Variants in SKA2 observed in about 807,000 individuals in gnomAD.
SKA2 encodes the protein spindle and kinetochore associated complex subunit 2, also known as spindle and kinetochore-associated protein 2.
Under a neutral mutation model 16.9 loss-of-function variants are expected in SKA2, and 13 were observed. That is an observed-to-expected ratio of 0.77 (90% CI 0.50 to 1.22). The LOEUF is 1.22. Among genes scored for constraint, SKA2 ranks in the 50% most tolerant of loss-of-function variants. The pLI, the probability that SKA2 is intolerant of heterozygous loss-of-function variation, is 0.00. For missense variants in SKA2, 107 were observed against 139.7 expected (o/e 0.77, Z 1.18); for synonymous variants, 47 against 48.5 (o/e 0.97, Z 0.13).
In SKA2 at chr17:59,110,331, T is replaced by A. The variant is rs1468708610; in HGVS notation, c.*1946A>T. 1 of 152,198 alleles carries A rather than the reference T, an allele frequency of 6.6e-6. No individual in the cohort carries two copies. The highest frequency in any genetic ancestry group is 1.5e-5 in the Non-Finnish European group (1 of 68,044). The allele number at this position is 152,198 out of a possible 1,614,324, so 9.4% of individuals were successfully genotyped here. ...TAACTGAAAGCAAAACCACTTTTAA[T>A]ACTAAGAATTTATTATGATCTCTCC... On this transcript the variant is annotated 3_prime_UTR_variant, in exon 4 of 4. Coordinates refer to ENST00000330137, the MANE Select transcript of SKA2 (RefSeq NM_182620.4).
chr17:59,154,685 T>G (rs888926604), intron 1 of SKA2, among the ~76,000 whole-genome samples: 3 of 152,160 alleles, frequency 2.0e-5, no homozygotes, highest in Non-Finnish European at 2.9e-5. Flanking sequence ...GGGTTGGCCC[T>G]ACAGGGATTT....
At chr17:59,114,492 CATG>C (rs1245567565) in intron 3 of SKA2, among the ~76,000 whole-genome samples, 1 of 152,150 alleles carries the variant, frequency 6.6e-6, no homozygotes, top group East Asian at 1.9e-4. Flanking sequence ...AGTGGTAACA[CATG>C]GTATTTTTAT....
At chr17:59,131,240 T>A in intron 2 of SKA2, 41 bp downstream of exon 2, 1 of 1,436,802 alleles carries the variant, frequency 7.0e-7, no homozygotes, top group Non-Finnish European at 9.6e-7. Context: ...AGTATTCAGT[T>A]AAGGCTGATT....
At chr17:59,142,618 T>A (rs1191122240) in intron 1 of SKA2, among the ~76,000 whole-genome samples, 1 of 150,216 alleles carries the variant, frequency 6.7e-6, no homozygotes, top group Non-Finnish European at 1.5e-5. Context: ...ATTTTTATAT[T>A]TTAATATTAA....
chr17:59,138,043 T>G (rs1339593415), intron 1 of SKA2, among the ~76,000 whole-genome samples: 4 of 152,150 alleles, frequency 2.6e-5, no homozygotes, highest in African/African-American at 9.7e-5. Context: ...TTGTTTAACT[T>G]TTTAGGGGCA....
intron 2 of SKA2, among the ~76,000 whole-genome samples, chr17:59,128,915 A>G (rs1477572914): frequency 6.6e-6 from 1 of 152,212 alleles, no homozygotes; most frequent in African/African-American, 2.4e-5. Flanking sequence ...TTAATGGTAT[A>G]TGAATTATAG....
At chr17:59,123,035 AAAAAG>A (rs1555711124) in intron 2 of SKA2, among the ~76,000 whole-genome samples, 43 of 150,170 alleles carry the variant, frequency 2.9e-4, no homozygotes, top group South Asian at 1.5e-3. Flanking sequence ...AAAAAAAAAA[AAAAAG>A]AAAAGAAAAG....
At chr17:59,135,156 A>G (rs936249277) in intron 1 of SKA2, among the ~76,000 whole-genome samples, 1 of 151,888 alleles carries the variant, frequency 6.6e-6, no homozygotes, top group Non-Finnish European at 1.5e-5. Flanking sequence ...AGAGGTTTCC[A>G]CTATGGTTTC....
At chr17:59,126,515 T>C (rs926125765) in intron 2 of SKA2, among the ~76,000 whole-genome samples, 1 of 152,114 alleles carries the variant, frequency 6.6e-6, no homozygotes, top group Non-Finnish European at 1.5e-5. Flanking sequence ...CAGACAGAGG[T>C]ATTAGAGGCT....
intron 2 of SKA2, among the ~76,000 whole-genome samples, chr17:59,127,191 T>G (rs2046377817): frequency 6.6e-6 from 1 of 152,126 alleles, no homozygotes; most frequent in Non-Finnish European, 1.5e-5. Flanking sequence ...ATGGTGATAT[T>G]GTACAATAAT....
chr17:59,150,732 ACT>A (rs1234886673), intron 1 of SKA2, among the ~76,000 whole-genome samples: 6 of 151,904 alleles, frequency 3.9e-5, no homozygotes, highest in African/African-American at 1.2e-4. Context: ...ACAGAGAAAG[ACT>A]CTGTCTCTGG....
At chr17:59,145,576 G>A (rs909787463) in intron 1 of SKA2, among the ~76,000 whole-genome samples, 2 of 151,830 alleles carry the variant, frequency 1.3e-5, no homozygotes, top group African/African-American at 4.8e-5. Context: ...TTCCCATCAT[G>A]TCATCTGTAT....
intron 2 of SKA2, among the ~76,000 whole-genome samples, chr17:59,125,947 G>A (rs1425115093): frequency 2.6e-5 from 4 of 151,840 alleles, no homozygotes; most frequent in Non-Finnish European, 5.9e-5. Context: ...AGAGGAGGGC[G>A]GATCACGAGG....
chr17:59,123,663 C>T lies in SKA2; in HGVS notation c.121-4168G>A, dbSNP rs186909132. On this transcript the variant is annotated intron_variant, in intron 2 of 3. Coordinates refer to ENST00000330137, the MANE Select transcript of SKA2 (RefSeq NM_182620.4). The stretch of plus-strand genomic sequence containing the variant: ...TACTGGGCTCAAGTGATCCTCCCAC[C>T]TCAGCATCCCAAGTAGCTGGGACTA... Among the ~76,000 whole-genome samples the T allele has an allele frequency of 4.6e-5, 7 of 152,224 alleles. No individual in the cohort carries two copies. In the East Asian group the frequency reaches 1.4e-3, roughly 29 times the overall value.
chr17:59,124,925 C>T (rs1342033650), intron 2 of SKA2, among the ~76,000 whole-genome samples: 2 of 151,398 alleles, frequency 1.3e-5, no homozygotes, highest in East Asian at 1.9e-4. Context: ...AACTGTTGTG[C>T]GCATAGCCTG....
At chr17:59,124,520 C>A (rs1043369474) in intron 2 of SKA2, 2 of 151,804 alleles carry the variant, frequency 1.3e-5, no homozygotes, top group African/African-American at 4.8e-5. Context: ...AATTATGTAA[C>A]TTAATTATAA....
intron 1 of SKA2, among the ~76,000 whole-genome samples, chr17:59,142,696 G>A (rs1412475071): frequency 4.0e-5 from 6 of 151,682 alleles, no homozygotes; most frequent in Non-Finnish European, 5.9e-5. Flanking sequence ...GGAAGCCGAG[G>A]TGGGTGGATC....
chr17:59,135,175 C>A (rs1248402879), intron 1 of SKA2, among the ~76,000 whole-genome samples: 2 of 151,852 alleles, frequency 1.3e-5, no homozygotes, highest in Non-Finnish European at 2.9e-5. Context: ...TCCTGCAATA[C>A]CTAGGGGCCC....
At chr17:59,119,789 G>A (rs1359515036) in intron 2 of SKA2, among the ~76,000 whole-genome samples, 2 of 152,090 alleles carry the variant, frequency 1.3e-5, no homozygotes, top group Non-Finnish European at 2.9e-5. Flanking sequence ...TTGATGGATA[G>A]TTCACAATAA....
Sources: allele counts gnomAD v4.1 joint callset (sites outside exome capture counted in the v4.1 genomes callset), GRCh38; gene constraint gnomAD v4.1.1; transcripts MANE v1.5; gene names NCBI Gene and HGNC (gene_info 2026-07-23, HGNC 2026-07-21).